The following TLN2 variants were observed in gnomAD, a reference collection of about 807,000 sequenced individuals.
TLN2 encodes the protein talin-2.
Under a neutral mutation model 294.7 loss-of-function variants are expected in TLN2, and 118 were observed. That is an observed-to-expected ratio of 0.40 (90% CI 0.34 to 0.47). The LOEUF is 0.47. TLN2 is among the 20% of genes least tolerant of loss of function. The pLI is 0.84. For missense variants in TLN2, 3,083 were observed against 3,282.2 expected (o/e 0.94, Z 1.48); for synonymous variants, 1,431 against 1,304.5 (o/e 1.10, Z -2.09).
At chr15:62,748,531 C>A in intron 33 of TLN2, 87 bp downstream of exon 33, 1 of 1,117,280 alleles carries the variant, frequency 9.0e-7, no homozygotes. Context: ...ATGTCTGTGT[C>A]TGTTCTTTCC....
intron 1 of TLN2, among the ~76,000 whole-genome samples, chr15:62,463,851 C>T (rs1191198368): frequency 1.3e-5 from 2 of 152,194 alleles, no homozygotes; most frequent in African/African-American, 4.8e-5. Context: ...CGCGCCACTG[C>T]ACTCCAGCCT....
At chr15:62,521,260 G>A (rs1000049946) in intron 1 of TLN2, among the ~76,000 whole-genome samples, 2 of 152,138 alleles carry the variant, frequency 1.3e-5, no homozygotes, top group African/African-American at 4.8e-5. Flanking sequence ...GCTGTTGAGA[G>A]CAAAGAATGG....
chr15:62,636,589 G>A (rs2050408284), intron 3 of TLN2, among the ~76,000 whole-genome samples: 1 of 152,144 alleles, frequency 6.6e-6, no homozygotes, highest in East Asian at 1.9e-4. Context: ...CAAAATTGAA[G>A]AAAATTTTGC....
intron 54 of TLN2, among the ~76,000 whole-genome samples, chr15:62,825,789 T>TATATTATATATATATATTA (rs1491491748): frequency 7.2e-5 from 6 of 83,592 alleles, no homozygotes; most frequent in African/African-American, 3.6e-4. Flanking sequence ...ATATTATATA[T>TATATTATATATATATATTA]TATAATATAT....
intron 1 of TLN2, among the ~76,000 whole-genome samples, chr15:62,444,190 A>G (rs2035697684): frequency 6.6e-6 from 1 of 152,186 alleles, no homozygotes; most frequent in Non-Finnish European, 1.5e-5. Flanking sequence ...AATATTGAGG[A>G]GGAGGGTGAG....
chr15:62,401,524 C>T (rs1044937000), intron 1 of TLN2, among the ~76,000 whole-genome samples: 10 of 152,146 alleles, frequency 6.6e-5, no homozygotes, highest in African/African-American at 2.4e-4. Context: ...CTGCACTGTT[C>T]CTGGACCTAG....
intron 8 of TLN2, among the ~76,000 whole-genome samples, chr15:62,656,555 C>T (rs1325088285): frequency 1.3e-5 from 2 of 152,282 alleles, no homozygotes; most frequent in East Asian, 1.9e-4. Context: ...ATCTGAGTTG[C>T]GGTTTCCCAG....
rs1051298366 is a variant in TLN2 at position 62,752,289 on chromosome 15, G to T, written c.4210-16G>T. The T allele has an allele frequency of 4.3e-6, 7 of 1,613,534 alleles. No individual in the cohort carries two copies. The African/African-American group carries it at 6.7e-5, about 15-fold the overall frequency. ...CAATGCTGGATAGAGAATGTTGCTGGCCGTTTGTTTTGCAGGTTCTGGGTG... is the reference window on the plus strand; with the variant it reads ...CAATGCTGGATAGAGAATGTTGCTGTCCGTTTGTTTTGCAGGTTCTGGGTG... On this transcript the variant is annotated splice_polypyrimidine_tract_variant and intron_variant, in intron 34 of 58. Coordinates refer to ENST00000636159, the MANE Select transcript of TLN2 (RefSeq NM_015059.3).
Position 62,707,195 on chromosome 15 carries a change from T to C in TLN2, c.2114T>C (p.Val705Ala). 1 of 1,614,064 alleles carries C rather than the reference T, an allele frequency of 6.2e-7. No homozygotes were observed. The highest frequency in any genetic ancestry group is 8.5e-7 in the Non-Finnish European group (1 of 1,179,960). Residue 705 changes from valine to alanine, a missense_variant, in exon 20 of 59, where the codon GTA becomes GCA. Physicochemically the swap from Val to Ala is moderately conservative, Grantham distance 64. Transcript: ENST00000636159. ...GAAGACACTGTCCTACAGAACAGGG[T>C]AATTGCTGCTGCCACCCAGTGTGCC... ...VAEDTVLQNR[V>A]IAAATQCALS... is the part of the protein sequence containing the mutation.
chr15:62,755,826 G>T, intron 37 of TLN2, 133 bp downstream of exon 37: 1 of 1,233,566 alleles, frequency 8.1e-7, no homozygotes. Flanking sequence ...TATGGTTTGT[G>T]TCACTGAATA....
rs745961189 is a variant in TLN2, at chr15:62,653,331, GA to G, written c.517+19del. The stretch of plus-strand genomic sequence containing the variant: ...ATGATGACCGTAAGTGTTTGCAGAG[GA>G]AGCATGATACAGACACACAGGCTTT... On this transcript the variant is annotated intron_variant, in intron 7 of 58. Coordinates refer to ENST00000636159, the MANE Select transcript of TLN2 (RefSeq NM_015059.3). 5.6e-6 allele frequency: 9 copies of G among 1,605,216 alleles called. No individual in the cohort carries two copies. Among genetic ancestry groups the G allele is most frequent in the Non-Finnish European group, 8.5e-7 (1 of 1,176,506 alleles).
chr15:62,405,787 C>A (rs931778605), intron 1 of TLN2, among the ~76,000 whole-genome samples: 12 of 152,120 alleles, frequency 7.9e-5, no homozygotes, highest in African/African-American at 2.9e-4. Context: ...GCTGGCTGCG[C>A]AGGGATGGAT....
chr15:62,470,665 G>A (rs935276661), intron 1 of TLN2, among the ~76,000 whole-genome samples: 16 of 152,196 alleles, frequency 1.1e-4, no homozygotes, highest in African/African-American at 2.2e-4. Context: ...GGTGAGATCC[G>A]CATGCAGGAG....
At chr15:62,777,760 C>T (rs760620145) in intron 43 of TLN2, among the ~76,000 whole-genome samples, 10 of 152,182 alleles carry the variant, frequency 6.6e-5, no homozygotes, top group Non-Finnish European at 1.0e-4. Flanking sequence ...TTGTAGGCTA[C>T]AGACATGTAA....
chr15:62,524,127 A>G (rs2040608299), intron 1 of TLN2, among the ~76,000 whole-genome samples: 1 of 152,218 alleles, frequency 6.6e-6, no homozygotes, highest in Non-Finnish European at 1.5e-5. Context: ...TCTTAGGAGG[A>G]GAGCCCTGAA....
At chr15:62,813,101 C>A (rs563031001) in intron 52 of TLN2, among the ~76,000 whole-genome samples, 1 of 152,344 alleles carries the variant, frequency 6.6e-6, no homozygotes, top group South Asian at 2.1e-4. Context: ...CCACTACTTT[C>A]TTTGCCAGGG....
rs569126231 is a variant in TLN2, at chr15:62,835,466, C to T, written c.7129-271C>T. 5.0e-5 allele frequency: 27 copies of T among 535,638 alleles called. 1 individual carries two copies. The Middle Eastern group carries it at 4.0e-3, about 80-fold the overall frequency. 33.2% of individuals were successfully genotyped at this position (535,638 alleles called of 1,614,324 possible). ...AGGTCATCATTCCTGAGCCGTTTCC[C>T]AGAATTGCAGTACCTGGAAGCTAAG... On this transcript the variant is annotated intron_variant, in intron 55 of 58. Coordinates refer to ENST00000636159, the MANE Select transcript of TLN2 (RefSeq NM_015059.3).
intron 9 of TLN2, among the ~76,000 whole-genome samples, chr15:62,663,893 G>A (rs1461659664): frequency 6.6e-6 from 1 of 151,798 alleles, no homozygotes; most frequent in Non-Finnish European, 1.5e-5. Flanking sequence ...ACATAATAAT[G>A]AGAAAACTTA....
chr15:62,397,242 A>C (rs962003761), intron 1 of TLN2, among the ~76,000 whole-genome samples: 1 of 152,056 alleles, frequency 6.6e-6, no homozygotes, highest in African/African-American at 2.4e-5. Flanking sequence ...AGCATTTCAC[A>C]TTTTATTTTT....
Sources: gnomAD v4.1 joint callset for allele counts (sites outside exome capture counted in the v4.1 genomes callset) on GRCh38, gnomAD v4.1.1 for gene constraint, MANE v1.5 for transcripts, NCBI Gene and HGNC (gene_info 2026-07-23, HGNC 2026-07-21) for gene names.